ERLIN1: variants seen among roughly 807,000 people sequenced by gnomAD.
ERLIN1 encodes ER lipid raft associated 1, also known as erlin-1.
In ERLIN1, 24 loss-of-function variants were observed where a neutral mutation model predicts 46.9. That is an observed-to-expected ratio of 0.51 (90% CI 0.37 to 0.72). ERLIN1 has a LOEUF of 0.72. ERLIN1 is among the 30% of genes least tolerant of loss of function. The pLI is 0.00. For missense variants in ERLIN1, 293 were observed against 417.9 expected (o/e 0.70, Z 2.61); for synonymous variants, 158 against 143.2 (o/e 1.10, Z -0.74).
chr10:100,181,083 AT>A (rs1235176825), intron 2 of ERLIN1, among the ~76,000 whole-genome samples: 1 of 152,232 alleles, frequency 6.6e-6, no homozygotes, highest in Non-Finnish European at 1.5e-5. Flanking sequence ...TATTTCCTTT[AT>A]AACATTAATT....
intron 10 of ERLIN1, among the ~76,000 whole-genome samples, chr10:100,152,979 G>C (rs1012439317): frequency 2.6e-5 from 4 of 152,288 alleles, no homozygotes; most frequent in South Asian, 2.1e-4. Flanking sequence ...TTAGCCTCCA[G>C]GGAGGCTACA....
chr10:100,168,841 G>A (rs920335830), intron 6 of ERLIN1, among the ~76,000 whole-genome samples: 2 of 151,986 alleles, frequency 1.3e-5, no homozygotes, highest in African/African-American at 4.8e-5. Flanking sequence ...CACCAAGCCC[G>A]ACTAATTTTT....
chr10:100,151,200 A>G lies in ERLIN1; in HGVS notation c.*931T>C, dbSNP rs1415567415. ...AAAAACTTCCTGTAATTATGATACA[A>G]TACTGTGCAGCAAGTCACTAGGAAT... is the stretch of plus-strand genomic sequence containing the variant. On this transcript the variant is annotated 3_prime_UTR_variant, in exon 11 of 11. Coordinates refer to ENST00000421367, the MANE Select transcript of ERLIN1 (RefSeq NM_006459.4). 4 of 152,668 alleles carry G rather than the reference A, an allele frequency of 2.6e-5. No individual in the cohort carries two copies. The highest frequency in any genetic ancestry group is 6.5e-5 in the Admixed American group (1 of 15,288). The allele number at this position is 152,668 out of a possible 1,614,324, so 9.5% of individuals were successfully genotyped here. A position where few individuals can be genotyped will look rare whatever the true frequency, so the allele number is the denominator to read the frequency against.
chr10:100,154,813 A>C, intron 10 of ERLIN1, 47 bp downstream of exon 10: 1 of 1,513,952 alleles, frequency 6.6e-7, no homozygotes, highest in Non-Finnish European at 9.2e-7. Flanking sequence ...AAGAGAAAGC[A>C]AAACCCCGAA....
At chr10:100,164,577 C>T (rs1011628532) in intron 7 of ERLIN1, among the ~76,000 whole-genome samples, 1 of 152,198 alleles carries the variant, frequency 6.6e-6, no homozygotes, top group Non-Finnish European at 1.5e-5. Flanking sequence ...ATTTGTTGCA[C>T]AGAAGATATA....
intron 2 of ERLIN1, among the ~76,000 whole-genome samples, chr10:100,183,078 T>C (rs1410429053): frequency 1.3e-5 from 2 of 152,196 alleles, no homozygotes; most frequent in Non-Finnish European, 2.9e-5. Flanking sequence ...CCTGAAAAAT[T>C]AGCAGCAGAT....
chr10:100,176,735 C>T (rs918104336), intron 4 of ERLIN1, among the ~76,000 whole-genome samples: 1 of 152,122 alleles, frequency 6.6e-6, no homozygotes, highest in Admixed American at 6.5e-5. Flanking sequence ...AGAACCTGTT[C>T]TTTATCTACA....
At chr10:100,158,877 G>T (rs1005134485) in intron 8 of ERLIN1, among the ~76,000 whole-genome samples, 1 of 151,914 alleles carries the variant, frequency 6.6e-6, no homozygotes, top group Admixed American at 6.6e-5. Context: ...ATCAGAAAAG[G>T]GAAAAAGAAG....
intron 10 of ERLIN1, among the ~76,000 whole-genome samples, chr10:100,152,728 T>A (rs1783746371): frequency 1.3e-5 from 2 of 152,192 alleles, no homozygotes; most frequent in South Asian, 4.1e-4. Context: ...TCTAAAAAAA[T>A]TATTTTTATT....
chr10:100,169,256 A>G (rs1408267362), intron 6 of ERLIN1, among the ~76,000 whole-genome samples: 3 of 152,142 alleles, frequency 2.0e-5, no homozygotes, highest in African/African-American at 4.8e-5. Flanking sequence ...CTCAAATAAT[A>G]AAATAATGCC....
intron 8 of ERLIN1, among the ~76,000 whole-genome samples, chr10:100,161,470 T>G (rs1843361179): frequency 6.6e-6 from 1 of 152,154 alleles, no homozygotes; most frequent in South Asian, 2.1e-4. Flanking sequence ...AGACTCAATA[T>G]CATAATTTTC....
In ERLIN1 at chr10:100,176,003, A is replaced by G. The variant is rs369551020; in HGVS notation, c.372T>C (p.His124=). ...DKTLIFNKIH[H]ELNQFCSAHT... Reference sequence around the variant, plus strand: ...GGGCACTGCAGAACTGGTTCAGCTCATGGTGGATTTTATTGAAGATTAAGG... The same window carrying G: ...GGGCACTGCAGAACTGGTTCAGCTCGTGGTGGATTTTATTGAAGATTAAGG... Residue 124 remains histidine (H), a synonymous_variant, in exon 5 of 11, where the codon CAT becomes CAC. Coordinates refer to ENST00000421367, the MANE Select transcript of ERLIN1 (RefSeq NM_006459.4). 13 of 1,612,860 alleles carry G rather than the reference A, an allele frequency of 8.1e-6. No homozygotes were observed. Among genetic ancestry groups the G allele is most frequent in the African/African-American group, 4.0e-5 (3 of 75,042 alleles).
At chr10:100,181,608 A>G (rs1038241680) in intron 2 of ERLIN1, among the ~76,000 whole-genome samples, 12 of 144,318 alleles carry the variant, frequency 8.3e-5, no homozygotes, top group African/African-American at 3.2e-4. Context: ...TCGGTCTCCC[A>G]GGTTCAAGCG....
intron 10 of ERLIN1, among the ~76,000 whole-genome samples, chr10:100,153,698 G>A (rs553872661): frequency 6.6e-6 from 1 of 152,284 alleles, no homozygotes; most frequent in African/African-American, 2.4e-5. Context: ...GTTAGTATCT[G>A]AGTCACATTT....
At chr10:100,158,843 GA>G (rs917113685) in intron 8 of ERLIN1, among the ~76,000 whole-genome samples, 2 of 151,958 alleles carry the variant, frequency 1.3e-5, no homozygotes, top group Admixed American at 1.3e-4. Flanking sequence ...GAAAAGAAAA[GA>G]AAATTCAATC....
intron 3 of ERLIN1, among the ~76,000 whole-genome samples, chr10:100,178,766 T>G (rs1325149138): frequency 1.3e-5 from 2 of 152,204 alleles, no homozygotes; most frequent in African/African-American, 2.4e-5. Flanking sequence ...ACAACAACTC[T>G]GCAAGGTAGA....
In ERLIN1 at chr10:100,164,064, C is replaced by T. The variant is rs774881586; in HGVS notation, c.595G>A (p.Ala199Thr). The change falls in exon 8 of 11, where the codon GCA becomes ACA. Residue 199 changes from alanine (A) to threonine (T), a missense_variant. By Grantham distance (58) the Ala-to-Thr change is moderately conservative (BLOSUM62 0). This residue lies in a region of ERLIN1 where 148 missense variants were observed against 266.5 expected (regional missense o/e 0.56). Transcript: ENST00000421367. Reference sequence around the variant, plus strand: ...TTTTCCACAACCTTTTGTTTCTGTGCAGCTATAAGGAGTTTTGTCTTCTCA... The same window carrying T: ...TTTTCCACAACCTTTTGTTTCTGTGTAGCTATAAGGAGTTTTGTCTTCTCA... The part of the protein sequence containing the change: ...EAEKTKLLIA[A>T]QKQKVVEKEA... 7 of 1,613,250 alleles carry T rather than the reference C, an allele frequency of 4.3e-6. No individual in the cohort carries two copies. The highest frequency in any genetic ancestry group is 1.3e-5 in the African/African-American group (1 of 75,020).
intron 7 of ERLIN1, among the ~76,000 whole-genome samples, chr10:100,164,716 G>A (rs1325828225): frequency 6.6e-6 from 1 of 152,156 alleles, no homozygotes; most frequent in African/African-American, 2.4e-5. Flanking sequence ...TCCAAAATCT[G>A]AAACTTTTTG....
intron 3 of ERLIN1, among the ~76,000 whole-genome samples, chr10:100,178,891 C>G (rs1564816659): frequency 1.3e-5 from 2 of 152,094 alleles, no homozygotes; most frequent in East Asian, 3.9e-4. Flanking sequence ...CACTATGAAC[C>G]TAAAACTGCT....
Sources: gnomAD v4.1 joint callset for allele counts (sites outside exome capture counted in the v4.1 genomes callset) on GRCh38, gnomAD v4.1.1 for gene constraint, gnomAD v4.1.1 regional missense constraint, MANE v1.5 for transcripts, NCBI Gene and HGNC (gene_info 2026-07-23, HGNC 2026-07-21) for gene names.